The following LHFPL3 variants were observed in gnomAD, a reference collection of about 807,000 sequenced individuals.
The protein encoded by LHFPL3 is LHFPL tetraspan subfamily member 3, also known as LHFPL tetraspan subfamily member 3 protein.
Under a neutral mutation model 19.3 loss-of-function variants are expected in LHFPL3, and 5 were observed. That is an observed-to-expected ratio of 0.26 (90% CI 0.14 to 0.54). The LOEUF (loss-of-function observed/expected upper bound fraction) is 0.54, where lower values mean the gene tolerates loss of function less well. Ranked by LOEUF, LHFPL3 falls within the 20% of genes least tolerant of loss-of-function variation. The pLI, the probability that LHFPL3 is intolerant of heterozygous loss-of-function variation, is 0.94. For synonymous variants in LHFPL3, 133 were observed against 126.2 expected (o/e 1.05, Z -0.36); for missense variants, 249 against 307.4 (o/e 0.81, Z 1.42).
rs67849394 is a variant in LHFPL3 at position 104,368,652 on chromosome 7, CGTGTGT to C, written c.445+39451_445+39456del. ...TCCAGACATGGTGTGCACACATGTA[CGTGTGT>C]GTGTGTGTGTGTGTGTGTGTGTTGT... On this transcript the variant is annotated intron_variant, in intron 1 of 2. Transcript: ENST00000424859. 7.0e-3 allele frequency among the ~76,000 whole-genome samples: 1,058 copies of C among 150,166 alleles called. 66 individuals are homozygous for C. In the East Asian group the frequency reaches 0.16, roughly 23 times the overall value.
intron 1 of LHFPL3, among the ~76,000 whole-genome samples, chr7:104,642,461 T>C (rs1386510910): frequency 1.3e-5 from 2 of 152,206 alleles, no homozygotes; most frequent in African/African-American, 4.8e-5. Flanking sequence ...AGTAATCTGG[T>C]TGTTCTGGAA....
chr7:104,813,597 G>A (rs1350918582), intron 2 of LHFPL3, among the ~76,000 whole-genome samples: 1 of 152,198 alleles, frequency 6.6e-6, no homozygotes, highest in East Asian at 1.9e-4. Context: ...GGCGAGAGGT[G>A]TGTGAGTGAG....
At chr7:104,409,687 C>A (rs1791496592) in intron 1 of LHFPL3, among the ~76,000 whole-genome samples, 1 of 151,936 alleles carries the variant, frequency 6.6e-6, no homozygotes, top group African/African-American at 2.4e-5. Context: ...AAAAAATCAC[C>A]CATAACCTAT....
intron 1 of LHFPL3, among the ~76,000 whole-genome samples, chr7:104,637,662 G>T (rs1244066673): frequency 6.6e-6 from 1 of 152,032 alleles, no homozygotes; most frequent in African/African-American, 2.4e-5. Flanking sequence ...TCTTGTTTTT[G>T]TCAGCTTTGT....
intron 1 of LHFPL3, among the ~76,000 whole-genome samples, chr7:104,626,199 A>G (rs1228476192): frequency 2.0e-5 from 3 of 152,164 alleles, no homozygotes. Flanking sequence ...TCCTTACAAG[A>G]TTGCCTTCCA....
At chr7:104,647,066 A>G (rs1045185275) in intron 1 of LHFPL3, among the ~76,000 whole-genome samples, 2 of 152,230 alleles carry the variant, frequency 1.3e-5, no homozygotes, top group Non-Finnish European at 2.9e-5. Flanking sequence ...ACCCCAGGAC[A>G]GTCTGGAAGT....
chr7:104,714,805 A>G (rs1428740221), intron 1 of LHFPL3, among the ~76,000 whole-genome samples: 1 of 152,212 alleles, frequency 6.6e-6, no homozygotes, highest in African/African-American at 2.4e-5. Context: ...AAGATTGCCA[A>G]CCACCCTCTA....
At chr7:104,352,255 A>G (rs1188367223) in intron 1 of LHFPL3, among the ~76,000 whole-genome samples, 1 of 151,902 alleles carries the variant, frequency 6.6e-6, no homozygotes, top group African/African-American at 2.4e-5. Flanking sequence ...TATTACTATT[A>G]TATTTATATT....
In LHFPL3 at chr7:104,604,613, A is replaced by G. The variant is rs75599469; in HGVS notation, c.446-132062A>G. Among the ~76,000 whole-genome samples the G allele has an allele frequency of 4.1e-3, 622 of 152,318 alleles. 34 individuals carry two copies. The East Asian group carries it at 0.1, about 24-fold the overall frequency. On this transcript the variant is annotated intron_variant, in intron 1 of 2. Transcript: ENST00000424859. Reference sequence around the variant, plus strand: ...CTTCTCTTTTAATTATAAGTTTCATATCCTGATGATTTAATTTTGAAGTTT... The same window carrying G: ...CTTCTCTTTTAATTATAAGTTTCATGTCCTGATGATTTAATTTTGAAGTTT...
chr7:104,724,799 G>C (rs1464323438), intron 1 of LHFPL3, among the ~76,000 whole-genome samples: 3 of 148,802 alleles, frequency 2.0e-5, no homozygotes, highest in Non-Finnish European at 1.5e-5. Context: ...GAAAAGAAAA[G>C]GCTGACAAGA....
At chr7:104,477,072 C>A (rs547127772) in intron 1 of LHFPL3, among the ~76,000 whole-genome samples, 7 of 152,162 alleles carry the variant, frequency 4.6e-5, no homozygotes, top group Non-Finnish European at 8.8e-5. Flanking sequence ...CTCACTGAAG[C>A]CTCCAACTCC....
At chr7:104,429,480 GT>G (rs1455586535) in intron 1 of LHFPL3, among the ~76,000 whole-genome samples, 1 of 140,462 alleles carries the variant, frequency 7.1e-6, no homozygotes, top group African/African-American at 2.9e-5. Context: ...GCTATTTTTT[GT>G]TTTGTTTTTT....
At chr7:104,537,828 G>A (rs1794417165) in intron 1 of LHFPL3, among the ~76,000 whole-genome samples, 1 of 152,310 alleles carries the variant, frequency 6.6e-6, no homozygotes, top group South Asian at 2.1e-4. Context: ...GAGGGAAGTT[G>A]AAGAGATTGT....
chr7:104,532,259 G>A (rs1562927543), intron 1 of LHFPL3, among the ~76,000 whole-genome samples: 1 of 150,786 alleles, frequency 6.6e-6, no homozygotes, highest in Non-Finnish European at 1.5e-5. Flanking sequence ...TGGAACTAAA[G>A]GCATGTGCCA....
At chr7:104,898,036 G>T (rs1287186420) in intron 2 of LHFPL3, among the ~76,000 whole-genome samples, 1 of 60,660 alleles carries the variant, frequency 1.6e-5, no homozygotes, top group African/African-American at 6.7e-5. Context: ...TTGATACAGA[G>T]TCTCACTCTG....
chr7:104,411,011 T>C (rs1258542122), intron 1 of LHFPL3, among the ~76,000 whole-genome samples: 1 of 152,202 alleles, frequency 6.6e-6, no homozygotes, highest in African/African-American at 2.4e-5. Context: ...CCTCATCCTA[T>C]GATTTAAGCA....
At chr7:104,580,459 T>A (rs1790439713) in intron 1 of LHFPL3, among the ~76,000 whole-genome samples, 1 of 152,114 alleles carries the variant, frequency 6.6e-6, no homozygotes, top group South Asian at 2.1e-4. Flanking sequence ...TTCTATCCAG[T>A]CATCAAGCCA....
intron 1 of LHFPL3, among the ~76,000 whole-genome samples, chr7:104,665,536 C>T (rs997058021): frequency 1.3e-5 from 2 of 152,132 alleles, no homozygotes; most frequent in African/African-American, 2.4e-5. Flanking sequence ...TGCATAACGC[C>T]GGCTTTGTGT....
At chr7:104,735,371 C>G (rs560302582) in intron 1 of LHFPL3, among the ~76,000 whole-genome samples, 1 of 152,340 alleles carries the variant, frequency 6.6e-6, no homozygotes, top group South Asian at 2.1e-4. Context: ...CCACCCAGTT[C>G]GAGCTTCCCA....
Sources: gnomAD v4.1 joint callset for allele counts (sites outside exome capture counted in the v4.1 genomes callset) on GRCh38, gnomAD v4.1.1 for gene constraint, MANE v1.5 for transcripts, NCBI Gene and HGNC (gene_info 2026-07-23, HGNC 2026-07-21) for gene names.